Variants in NT5C3A observed in about 807,000 individuals in gnomAD.
NT5C3A encodes 5'-nucleotidase, cytosolic IIIA.
A neutral mutation model predicts 40.0 loss-of-function variants in NT5C3A; 23 were observed. That is an observed-to-expected ratio of 0.58 (90% CI 0.41 to 0.81). The LOEUF (loss-of-function observed/expected upper bound fraction) is 0.81. Among genes scored for constraint, NT5C3A ranks in the 40% least tolerant of loss-of-function variants. NT5C3A has a pLI of 0.00. For missense variants in NT5C3A, 328 were observed against 403.0 expected (o/e 0.81, Z 1.59); for synonymous variants, 130 against 141.4 (o/e 0.92, Z 0.57).
At chr7:33,044,344 A>G (rs1168250915) in intron 1 of NT5C3A, among the ~76,000 whole-genome samples, 1 of 152,082 alleles carries the variant, frequency 6.6e-6, no homozygotes, top group Non-Finnish European at 1.5e-5. Context: ...AAAGCACTGA[A>G]TCAAAGACAC....
rs1339210570 is a variant in NT5C3A at position 33,022,084 on chromosome 7, C to T, written c.323G>A (p.Cys108Tyr). 18 of 1,521,822 alleles carry T rather than the reference C, an allele frequency of 1.2e-5. No homozygotes were observed. The highest frequency in any genetic ancestry group is 1.7e-4 in the Middle Eastern group (1 of 5,852). 94.3% of individuals were successfully genotyped at this position (1,521,822 alleles called of 1,614,324 possible). A position where few individuals can be genotyped will look rare whatever the true frequency, so the allele number is the denominator to read the frequency against. Residue 108 changes from cysteine (C) to tyrosine (Y), a missense_variant, in exon 4 of 9, where the codon TGT becomes TAT. By Grantham distance (194) the Cys-to-Tyr change is radical. Around this residue, in one of 3 missense-constraint regions of NT5C3A, gnomAD observed 280 missense variants for 317.2 expected, o/e 0.88. Transcript: ENST00000610140. Reference protein sequence around the residue: ...CPTCHNIIDNCKLVTDECRKK... With the variant: ...CPTCHNIIDNYKLVTDECRKK... ...TCTACATTCATCTGTAACCAGCTTA[C>T]AGTTGTCAATGATATCTAAAGATAG... is the stretch of plus-strand genomic sequence containing the variant.
intron 1 of NT5C3A, among the ~76,000 whole-genome samples, chr7:33,057,197 TGGAAGAAG>T (rs1787605916): frequency 6.6e-6 from 1 of 151,980 alleles, no homozygotes; most frequent in Non-Finnish European, 1.5e-5. Context: ...TGTCTTAAAG[TGGAAGAAG>T]GGAAGAAGTT....
chr7:33,045,529 G>A (rs912061549), intron 1 of NT5C3A, among the ~76,000 whole-genome samples: 18 of 150,982 alleles, frequency 1.2e-4, no homozygotes, highest in African/African-American at 3.7e-4. Flanking sequence ...GCACGATCTC[G>A]GCTCACTGCA....
At chr7:33,036,732 A>C (rs1786625386) in intron 1 of NT5C3A, among the ~76,000 whole-genome samples, 1 of 152,168 alleles carries the variant, frequency 6.6e-6, no homozygotes, top group Non-Finnish European at 1.5e-5. Flanking sequence ...AGACAGAACA[A>C]AGTAAGGGAA....
chr7:33,033,894 A>ATATAT (rs11437974), intron 1 of NT5C3A, among the ~76,000 whole-genome samples: 2 of 123,536 alleles, frequency 1.6e-5, no homozygotes, highest in Non-Finnish European at 3.4e-5. Flanking sequence ...ATATATATAT[A>ATATAT]ATTTTTTTTT....
chr7:33,033,148 T>A (rs755846506), intron 1 of NT5C3A, among the ~76,000 whole-genome samples: 4 of 152,232 alleles, frequency 2.6e-5, no homozygotes, highest in Non-Finnish European at 5.9e-5. Context: ...TCCAGTCAGA[T>A]GTTCTCAGAG....
rs145991728 is a variant in NT5C3A at position 33,014,415 on chromosome 7, G to A, written c.*315C>T. On this transcript the variant is annotated 3_prime_UTR_variant, in exon 9 of 9. Coordinates refer to ENST00000610140, the MANE Select transcript of NT5C3A (RefSeq NM_001002010.5). ...TTTAAAATTTCTACAAACTTTCCCA[G>A]TGTAAAAGACTCCTCAAAAGCTGCA... 5.1e-4 allele frequency: 237 copies of A among 469,034 alleles called. 1 individual carries two copies. The East Asian group carries it at 0.015, about 29-fold the overall frequency. 29.1% of individuals were successfully genotyped at this position (469,034 alleles called of 1,614,324 possible).
At chr7:33,048,540 G>C (rs1383840964) in intron 1 of NT5C3A, among the ~76,000 whole-genome samples, 1 of 152,160 alleles carries the variant, frequency 6.6e-6, no homozygotes, top group African/African-American at 2.4e-5. Context: ...AAGTGTACTA[G>C]AGGGGATTCA....
chr7:33,055,010 T>C (rs1250489672), intron 1 of NT5C3A, among the ~76,000 whole-genome samples: 2 of 152,194 alleles, frequency 1.3e-5, no homozygotes, highest in African/African-American at 2.4e-5. Flanking sequence ...TGAATGAATA[T>C]ATCTTTACTC....
At chr7:33,017,238 TG>T in intron 7 of NT5C3A, 200 bp downstream of exon 7, 1 of 561,256 alleles carries the variant, frequency 1.8e-6, no homozygotes, top group Non-Finnish European at 3.1e-6. Flanking sequence ...GTCTATAGCT[TG>T]GGGAATGAAA....
At chr7:33,037,578 G>A (rs954959668) in intron 1 of NT5C3A, among the ~76,000 whole-genome samples, 2 of 152,028 alleles carry the variant, frequency 1.3e-5, no homozygotes, top group Non-Finnish European at 2.9e-5. Context: ...CTAAAATTCG[G>A]TCCCTACTCC....
intron 6 of NT5C3A, among the ~76,000 whole-genome samples, chr7:33,017,985 C>G (rs6961785): frequency 0.76 from 116,167 of 152,136 alleles, 44,773 homozygotes; most frequent in African/African-American, 0.86. Flanking sequence ...TTCTAGTCCA[C>G]TCTGGGCAAC....
At chr7:33,041,322 T>C (rs1202153997) in intron 1 of NT5C3A, among the ~76,000 whole-genome samples, 1 of 152,166 alleles carries the variant, frequency 6.6e-6, no homozygotes, top group Non-Finnish European at 1.5e-5. Flanking sequence ...AGGAGGAGGA[T>C]GGGGAATTAT....
chr7:33,024,448 AGGCAC>A (rs1785807105), intron 2 of NT5C3A, among the ~76,000 whole-genome samples: 1 of 12,408 alleles, frequency 8.1e-5, no homozygotes, highest in Non-Finnish European at 1.6e-4. Context: ...GAAATAAGAC[AGGCAC>A]AGAAAGACAA....
intron 3 of NT5C3A, among the ~76,000 whole-genome samples, 194 bp from the exon 4 acceptor site, chr7:33,022,293 T>C (rs563207075): frequency 4.1e-4 from 62 of 152,306 alleles, no homozygotes; most frequent in African/African-American, 1.4e-3. Flanking sequence ...CACATGACAT[T>C]GTTAAAGAAG....
intron 1 of NT5C3A, among the ~76,000 whole-genome samples, chr7:33,034,863 A>C (rs10240662): frequency 0.013 from 1,967 of 152,364 alleles, 51 homozygotes; most frequent in African/African-American, 0.045. Flanking sequence ...GAACACAAAG[A>C]GAAAACAAGA....
intron 1 of NT5C3A, among the ~76,000 whole-genome samples, chr7:33,031,030 G>A (rs899101922): frequency 6.6e-6 from 1 of 151,226 alleles, no homozygotes; most frequent in African/African-American, 2.4e-5. Context: ...ACCCCGGGGG[G>A]CGGAGCCTGC....
intron 1 of NT5C3A, among the ~76,000 whole-genome samples, chr7:33,049,878 G>T (rs1042464586): frequency 1.4e-5 from 2 of 148,014 alleles, no homozygotes; most frequent in African/African-American, 5.0e-5. Flanking sequence ...GCTGAGGCGA[G>T]AGAATGGCGT....
Position 33,017,538 on chromosome 7 carries a change from C to A in NT5C3A, c.594G>T (p.Ser198=). 6.2e-7 allele frequency: 1 copy of A among 1,613,558 alleles called. No homozygotes were observed. The highest frequency in any genetic ancestry group is 8.5e-7 in the Non-Finnish European group (1 of 1,179,612). ...QQHSIPVFIF[S]AGIGDVLEEV... ...CCTCTAGTACATCGCCGATTCCAGC[C>A]GAAAATATGAACACGGGGATGCTAT... is the stretch of plus-strand genomic sequence containing the variant. Residue 198 remains serine, a synonymous_variant, in exon 7 of 9, where the codon TCG becomes TCT. Transcript: ENST00000610140.
Sources: gnomAD v4.1 joint callset for allele counts (sites outside exome capture counted in the v4.1 genomes callset) on GRCh38, gnomAD v4.1.1 for gene constraint, gnomAD v4.1.1 regional missense constraint, MANE v1.5 for transcripts, NCBI Gene and HGNC (gene_info 2026-07-23, HGNC 2026-07-21) for gene names.